Variants in MAPT observed in about 807,000 individuals in gnomAD.
MAPT encodes microtubule associated protein tau.
Under a neutral mutation model 67.9 loss-of-function variants are expected in MAPT, and 34 were observed. The observed-to-expected ratio is 0.50, with a 90% CI of 0.38 to 0.67. The LOEUF (loss-of-function observed/expected upper bound fraction) is 0.67, where lower values mean the gene tolerates loss of function less well. MAPT is among the 30% of genes least tolerant of loss of function. The pLI is 0.00. For missense variants in MAPT, 881 were observed against 1,115.2 expected (o/e 0.79, Z 2.99); for synonymous variants, 456 against 464.5 (o/e 0.98, Z 0.23).
chr17:45,958,402 C>T (rs893195758), intron 1 of MAPT, among the ~76,000 whole-genome samples: 1 of 152,200 alleles, frequency 6.6e-6, no homozygotes, highest in African/African-American at 2.4e-5. Context: ...AGAATAAGCA[C>T]TGAGACCTGA....
At chr17:45,910,120 G>A (rs911279045) in intron 1 of MAPT, among the ~76,000 whole-genome samples, 7 of 152,178 alleles carry the variant, frequency 4.6e-5, no homozygotes, top group African/African-American at 1.7e-4. Flanking sequence ...ACAGGAGAGT[G>A]ATATGGGGGC....
In MAPT at chr17:45,983,969, C is replaced by T. The variant is rs1416804342; in HGVS notation, c.1351+39C>T. 4 of 1,361,534 alleles carry T rather than the reference C, an allele frequency of 2.9e-6. No individual in the cohort carries two copies. The South Asian group carries it at 4.3e-5, about 14-fold the overall frequency. 84.3% of individuals were successfully genotyped at this position (1,361,534 alleles called of 1,614,324 possible). ...GCTTCTTCGCTCCTTCCCTGGGGACCTCCCAGGCCTCCCAGGCTGCGGGCA... is the reference window on the plus strand; with the variant it reads ...GCTTCTTCGCTCCTTCCCTGGGGACTTCCCAGGCCTCCCAGGCTGCGGGCA... On this transcript the variant is annotated intron_variant, in intron 5 of 12. Transcript: ENST00000262410.
At chr17:45,981,681 A>G (rs957181102) in intron 4 of MAPT, among the ~76,000 whole-genome samples, 10 of 152,106 alleles carry the variant, frequency 6.6e-5, no homozygotes, top group Non-Finnish European at 1.2e-4. Flanking sequence ...TCTGTCAGAG[A>G]ATGGGCTTGA....
intron 2 of MAPT, among the ~76,000 whole-genome samples, chr17:45,969,513 T>C (rs1360421208): frequency 6.7e-6 from 1 of 149,632 alleles, no homozygotes; most frequent in Non-Finnish European, 1.5e-5. Flanking sequence ...CATCCAATCA[T>C]ATATCTGTAC....
intron 1 of MAPT, among the ~76,000 whole-genome samples, chr17:45,953,997 A>T (rs2069349327): frequency 6.6e-6 from 1 of 152,188 alleles, no homozygotes; most frequent in Admixed American, 6.6e-5. Flanking sequence ...GCTAAGACCG[A>T]TTCACAGTTT....
chr17:45,919,330 A>G (rs906666478), intron 1 of MAPT, among the ~76,000 whole-genome samples: 2 of 150,944 alleles, frequency 1.3e-5, no homozygotes, highest in African/African-American at 4.8e-5. Flanking sequence ...CCAGGACTAC[A>G]GATAACCAGA....
intron 2 of MAPT, among the ~76,000 whole-genome samples, chr17:45,962,807 C>G (rs568806652): frequency 6.6e-5 from 10 of 152,164 alleles, no homozygotes; most frequent in Non-Finnish European, 1.3e-4. Context: ...TGTCTATAGT[C>G]CTAGCTACTC....
chr17:46,020,078 G>C (rs963770909), intron 12 of MAPT, among the ~76,000 whole-genome samples: 1 of 151,348 alleles, frequency 6.6e-6, no homozygotes, highest in Admixed American at 6.6e-5. Flanking sequence ...ACTAAAAAAG[G>C]AAGTGGACAT....
Position 45,896,038 on chromosome 17 carries a change from T to G in MAPT, c.-18+1352T>G, listed in dbSNP as rs1056831938. The G allele has an allele frequency of 6.6e-6, 1 of 152,268 alleles. No individual in the cohort carries two copies. Among genetic ancestry groups the G allele is most frequent in the Non-Finnish European group, 1.5e-5 (1 of 68,110 alleles). 9.4% of individuals were successfully genotyped at this position (152,268 alleles called of 1,614,324 possible). A position where few individuals can be genotyped will look rare whatever the true frequency, so the allele number is the denominator to read the frequency against. ...TGGTTTCTGGCTTTTATTCTGAGGG[T>G]GTTCAGTCAACCTCCCCCCTACGCC... On this transcript the variant is annotated intron_variant, in intron 1 of 12. Coordinates refer to ENST00000262410, the MANE Select transcript of MAPT (RefSeq NM_001377265.1). The surrounding 1 kb of genome is among the most constrained non-coding windows in gnomAD (Gnocchi z 5.6).
At chr17:45,941,721 T>TCCTTCCTG (rs2067997149) in intron 1 of MAPT, among the ~76,000 whole-genome samples, 6 of 124,728 alleles carry the variant, frequency 4.8e-5, no homozygotes, top group African/African-American at 1.8e-4. Context: ...CTTCCTTCCT[T>TCCTTCCTG]CCTTCCTTCC....
At position 45,995,779 on chromosome 17, in the gene MAPT, G is replaced by C. The variant is rs17652066; in HGVS notation, c.1733-620G>C. On this transcript the variant is annotated intron_variant, in intron 8 of 12. Transcript: ENST00000262410. The surrounding 1 kb of genome is among the most constrained non-coding windows in gnomAD (Gnocchi z 4.3). ...GTGGAGCAGGCATCCTGTTCTGAAG[G>C]CCAAATCCCACAGAGGAGCCAGGGT... is the stretch of plus-strand genomic sequence containing the variant. Among the ~76,000 whole-genome samples the C allele has an allele frequency of 0.14, 22,031 of 152,182 alleles. 2,136 individuals are homozygous for C. Among genetic ancestry groups the C allele is most frequent in the Non-Finnish European group, 0.22 (14,733 of 67,980 alleles).
rs2068577047 is a variant in MAPT, at chr17:45,947,014, G to A, written c.-17-15307G>A. ...TTTAAGTTTCTTCTTGCCAGCATGAGTCTTTCCTTTCTGTATGCTCCTTAT... is the reference window on the plus strand; with the variant it reads ...TTTAAGTTTCTTCTTGCCAGCATGAATCTTTCCTTTCTGTATGCTCCTTAT... On this transcript the variant is annotated intron_variant, in intron 1 of 12. Coordinates refer to ENST00000262410, the MANE Select transcript of MAPT (RefSeq NM_001377265.1). 5.9e-5 allele frequency among the ~76,000 whole-genome samples: 9 copies of A among 152,292 alleles called. No individual in the cohort carries two copies. In the South Asian group the frequency reaches 1.9e-3, roughly 32 times the overall value.
At chr17:45,991,875 C>T (rs1410541343) in intron 8 of MAPT, among the ~76,000 whole-genome samples, 1 of 151,892 alleles carries the variant, frequency 6.6e-6, no homozygotes, top group Non-Finnish European at 1.5e-5. Flanking sequence ...TCCTCCACCT[C>T]CCAGGTTCAA....
chr17:45,982,980 C>G lies in MAPT; in HGVS notation c.401C>G (p.Pro134Arg). Residue 134 changes from proline (P) to arginine (R), a missense_variant, in exon 5 of 13, where the codon CCG (proline) becomes CGG (arginine). By Grantham distance (103) the Pro-to-Arg change is moderately radical. Transcript: ENST00000262410. ...PCGEASGVSGPCLGEKEPEAP... is the reference protein window; with the variant it reads ...PCGEASGVSGRCLGEKEPEAP... ...GGAGAGGCCTCTGGGGTCTCTGGGC[C>G]GTGCCTCGGGGAGAAAGAGCCAGAA... is the stretch of plus-strand genomic sequence containing the variant. 1 of 1,438,442 alleles carries G rather than the reference C, an allele frequency of 7.0e-7. No homozygotes were observed. Among genetic ancestry groups the G allele is most frequent in the South Asian group, 1.5e-5 (1 of 67,134 alleles). The allele number at this position is 1,438,442 out of a possible 1,614,324, so 89.1% of individuals were successfully genotyped here. A position where few individuals can be genotyped will look rare whatever the true frequency, so the allele number is the denominator to read the frequency against.
At chr17:45,982,030 A>AAG (rs1267332284) in intron 4 of MAPT, among the ~76,000 whole-genome samples, 4 of 147,924 alleles carry the variant, frequency 2.7e-5, no homozygotes, top group African/African-American at 9.8e-5. Context: ...AAAAAAAAAA[A>AAG]AAAGAAAGAA....
rs76980614 is a variant in MAPT at position 46,017,440 on chromosome 17, ATTTTTTTTTT to A, written c.2174-1157_2174-1148del. ...AGGCACATGCCAACATGCCTGGCTAATTTTTTTTTTTTTTTTTTTTTTTTTTTTTTGAGAT... is the reference window on the plus strand; with the variant it reads ...AGGCACATGCCAACATGCCTGGCTAATTTTTTTTTTTTTTTTTTTTGAGAT... On this transcript the variant is annotated intron_variant, in intron 11 of 12. Coordinates refer to ENST00000262410, the MANE Select transcript of MAPT (RefSeq NM_001377265.1). 6.3e-4 allele frequency among the ~76,000 whole-genome samples: 40 copies of A among 63,004 alleles called. 3 individuals are homozygous for A. The highest frequency in any genetic ancestry group is 3.1e-3 in the East Asian group (9 of 2,940). The allele number at this position is 63,004 out of a possible 152,430, so 41.3% of individuals were successfully genotyped here. A position where few individuals can be genotyped will look rare whatever the true frequency, so the allele number is the denominator to read the frequency against.
intron 1 of MAPT, among the ~76,000 whole-genome samples, chr17:45,909,371 G>A (rs1242197420): frequency 6.6e-6 from 1 of 152,140 alleles, no homozygotes; most frequent in Non-Finnish European, 1.5e-5. Context: ...AGAACACTTG[G>A]GACTACCTGG....
chr17:45,970,512 C>T (rs1490450129), intron 2 of MAPT, among the ~76,000 whole-genome samples: 1 of 152,202 alleles, frequency 6.6e-6, no homozygotes, highest in African/African-American at 2.4e-5. Flanking sequence ...CCAGGGCTGC[C>T]CCCATAAACA....
chr17:45,962,579 G>C, intron 2 of MAPT, 109 bp downstream of exon 2: 2 of 1,394,440 alleles, frequency 1.4e-6, no homozygotes, highest in East Asian at 5.0e-5. Flanking sequence ...TATTGTCTTA[G>C]ACTGTCAGTA....
Sources: allele counts gnomAD v4.1 joint callset (sites outside exome capture counted in the v4.1 genomes callset), GRCh38; gene constraint gnomAD v4.1.1; non-coding constraint Gnocchi (gnomAD v3.1); transcripts MANE v1.5; gene names NCBI Gene and HGNC (gene_info 2026-07-23, HGNC 2026-07-21).